FAT3: variants seen among roughly 807,000 people sequenced by gnomAD.
FAT3 encodes the protein protocadherin Fat 3.
FAT3 carries 95 observed loss-of-function variants against 310.2 expected under a neutral mutation model. That is an observed-to-expected ratio of 0.31 (90% CI 0.26 to 0.36). FAT3 has a LOEUF of 0.36. Ranked by LOEUF, FAT3 falls within the 10% of genes least tolerant of loss-of-function variation. FAT3 has a pLI of 1.00. For missense variants in FAT3, 5,408 were observed against 5,715.6 expected, an observed-to-expected ratio of 0.95 and a Z score of 1.74; for synonymous variants, 2,314 against 2,192.9, an observed-to-expected ratio of 1.06 and a Z score of -1.54.
At chr11:92,296,713 A>C (rs918341733) in intron 1 of FAT3, among the ~76,000 whole-genome samples, 1 of 152,094 alleles carries the variant, frequency 6.6e-6, no homozygotes, top group Non-Finnish European at 1.5e-5. Context: ...AGCTGATCTC[A>C]GTGGTTAGCC....
Position 92,812,348 on chromosome 11 carries a change from C to G in FAT3, c.9481+2272C>G, listed in dbSNP as rs180779703. Among the ~76,000 whole-genome samples the G allele has an allele frequency of 4.0e-3, 601 of 152,048 alleles. 3 individuals carry two copies. Among genetic ancestry groups the G allele is most frequent in the African/African-American group, 0.013 (558 of 41,458 alleles). Reference sequence around the variant, plus strand: ...CCTCTATAGTGTTCAAAAGAGAGGCCGAAGTGGGCGGATCACGAGGTCAGG... The same window carrying G: ...CCTCTATAGTGTTCAAAAGAGAGGCGGAAGTGGGCGGATCACGAGGTCAGG... On this transcript the variant is annotated intron_variant, in intron 13 of 27. Coordinates refer to ENST00000525166, the MANE Select transcript of FAT3 (RefSeq NM_001367949.2).
At chr11:92,294,746 T>G (rs546975770) in intron 1 of FAT3, among the ~76,000 whole-genome samples, 18 of 150,690 alleles carry the variant, frequency 1.2e-4, no homozygotes, top group Admixed American at 3.9e-4. Context: ...ATGGAGATCC[T>G]TCACTCCATC....
chr11:92,454,466 C>A (rs1951446969), intron 2 of FAT3, among the ~76,000 whole-genome samples: 1 of 152,144 alleles, frequency 6.6e-6, no homozygotes, highest in Non-Finnish European at 1.5e-5. Context: ...CATATAGGAA[C>A]TCAACATTTA....
At chr11:92,532,436 C>T (rs113883561) in intron 3 of FAT3, among the ~76,000 whole-genome samples, 82 of 152,002 alleles carry the variant, frequency 5.4e-4, no homozygotes, top group Non-Finnish European at 6.2e-4. Context: ...ATTGTTAACC[C>T]GCCTTTTGTT....
chr11:92,675,416 A>G (rs1404314803), intron 3 of FAT3, among the ~76,000 whole-genome samples: 1 of 152,218 alleles, frequency 6.6e-6, no homozygotes, highest in Non-Finnish European at 1.5e-5. Flanking sequence ...ATTAGGAGAA[A>G]TTTAAAGCAT....
At chr11:92,373,724 G>A (rs1198893894) in intron 2 of FAT3, among the ~76,000 whole-genome samples, 1 of 146,246 alleles carries the variant, frequency 6.8e-6, no homozygotes, top group African/African-American at 2.5e-5. Flanking sequence ...TATTAGGCAG[G>A]GTTTCCAGAG....
Position 92,271,691 on chromosome 11 carries a change from C to T in FAT3, c.-18+46517C>T, listed in dbSNP as rs566067584. ...TTTAATATTCTTCATTTGTCTCTTCCCTTCTGTAGCTATTTTGATTTATGT... is the reference window on the plus strand; with the variant it reads ...TTTAATATTCTTCATTTGTCTCTTCTCTTCTGTAGCTATTTTGATTTATGT... On this transcript the variant is annotated intron_variant, in intron 1 of 27. Coordinates refer to ENST00000525166, the MANE Select transcript of FAT3 (RefSeq NM_001367949.2). 1.3e-5 allele frequency among the ~76,000 whole-genome samples: 2 copies of T among 152,050 alleles called. 1 individual carries two copies. The highest frequency in any genetic ancestry group is 1.3e-4 in the Admixed American group (2 of 15,274).
At chr11:92,693,518 A>G (rs188812211) in intron 3 of FAT3, among the ~76,000 whole-genome samples, 200 of 152,216 alleles carry the variant, frequency 1.3e-3, no homozygotes, top group African/African-American at 4.6e-3. Flanking sequence ...CTTATTCTCT[A>G]TTTGTTCCAA....
chr11:92,859,810 C>T (rs1226488845), intron 21 of FAT3, among the ~76,000 whole-genome samples: 3 of 152,152 alleles, frequency 2.0e-5, no homozygotes, highest in Non-Finnish European at 4.4e-5. Context: ...ATTTCCTAGC[C>T]TCAGAAATGC....
At chr11:92,365,242 C>T (rs1948989100) in intron 2 of FAT3, among the ~76,000 whole-genome samples, 1 of 152,100 alleles carries the variant, frequency 6.6e-6, no homozygotes, top group African/African-American at 2.4e-5. Context: ...TGCACTCCAG[C>T]TTGGGTGACA....
At chr11:92,406,858 A>G (rs1346359311) in intron 2 of FAT3, 1 of 152,264 alleles carries the variant, frequency 6.6e-6, no homozygotes, top group Non-Finnish European at 1.5e-5. Flanking sequence ...CCTAGCAGGC[A>G]AACACTAGAC....
At chr11:92,288,600 T>A (rs1056814551) in intron 1 of FAT3, among the ~76,000 whole-genome samples, 7 of 152,154 alleles carry the variant, frequency 4.6e-5, no homozygotes, top group African/African-American at 1.7e-4. Flanking sequence ...GATGAATGTA[T>A]GCCTTCTGCA....
intron 3 of FAT3, among the ~76,000 whole-genome samples, chr11:92,543,199 AAG>A (rs1226935636): frequency 6.6e-6 from 1 of 151,598 alleles, no homozygotes; most frequent in Non-Finnish European, 1.5e-5. Context: ...AGAGGATAGG[AAG>A]AGATTAATCA....
Position 92,831,962 on chromosome 11 carries a change from C to T in FAT3, c.9822C>T (p.Leu3274=), listed in dbSNP as rs763046379. 7.0e-6 allele frequency: 11 copies of T among 1,576,180 alleles called. No individual in the cohort carries two copies. The South Asian group carries it at 1.2e-4, about 17-fold the overall frequency. The change falls in exon 14 of 28, where the codon CTC becomes CTT. Residue 3274 remains leucine (L), a synonymous_variant. Transcript: ENST00000525166. ...DIGTNAEITY[L]IRSGNEQGKF... is the part of the protein sequence containing the mutation. ...GCACAAATGCTGAGATCACTTATCT[C>T]ATCCGGTCTGGGAACGAACAAGGGA...
At chr11:92,766,821 GT>G (rs756891773) in intron 6 of FAT3, 1 of 152,154 alleles carries the variant, frequency 6.6e-6, no homozygotes, top group Non-Finnish European at 1.5e-5. Flanking sequence ...ACCACAAAGG[GT>G]TGCACGTAGT....
In FAT3 at chr11:92,791,044, A is replaced by G. The variant is rs547340898; in HGVS notation, c.4611+826A>G. Among the ~76,000 whole-genome samples the G allele has an allele frequency of 7.2e-5, 11 of 152,300 alleles. No individual in the cohort carries two copies. The South Asian group carries it at 2.3e-3, about 32-fold the overall frequency. On this transcript the variant is annotated intron_variant, in intron 8 of 27. Coordinates refer to ENST00000525166, the MANE Select transcript of FAT3 (RefSeq NM_001367949.2). ...TACAAATTCCTAAGCAGCTGAAAGT[A>G]ATGTTCCACTAAGTGCTACTTTCCT...
At position 92,790,233 on chromosome 11, in the gene FAT3, C is replaced by A; in HGVS notation, c.4611+15C>A. The stretch of plus-strand genomic sequence containing the variant: ...TCAACATAATGGTAGGACCAAAATC[C>A]TAATTAGCACTCCTACAGAACCACT... On this transcript the variant is annotated intron_variant, in intron 8 of 27. Transcript: ENST00000525166. 2 of 1,611,764 alleles carry A rather than the reference C, an allele frequency of 1.2e-6. No homozygotes were observed. Among genetic ancestry groups the A allele is most frequent in the South Asian group, 1.1e-5 (1 of 90,838 alleles).
At chr11:92,512,870 C>CTCTGTTCATG (rs1397647221) in intron 2 of FAT3, among the ~76,000 whole-genome samples, 1 of 41,998 alleles carries the variant, frequency 2.4e-5, no homozygotes, top group Admixed American at 2.7e-4. Flanking sequence ...CGCCTGTAAT[C>CTCTGTTCATG]CCAGCACTTT....
intron 2 of FAT3, among the ~76,000 whole-genome samples, chr11:92,401,520 G>A (rs1362302041): frequency 6.6e-6 from 1 of 152,172 alleles, no homozygotes; most frequent in Non-Finnish European, 1.5e-5. Context: ...CCAGGAAAGG[G>A]ACTAGAGCTG....
Sources: allele counts gnomAD v4.1 joint callset (sites outside exome capture counted in the v4.1 genomes callset), GRCh38; gene constraint gnomAD v4.1.1; transcripts MANE v1.5; gene names NCBI Gene and HGNC (gene_info 2026-07-23, HGNC 2026-07-21).